MAGI2: variants seen among roughly 807,000 people sequenced by gnomAD.
The protein encoded by MAGI2 is membrane associated guanylate kinase, WW and PDZ domain containing 2, also known as membrane-associated guanylate kinase, WW and PDZ domain-containing protein 2.
MAGI2 carries 35 observed loss-of-function variants against 133.3 expected under a neutral mutation model. The observed-to-expected ratio is 0.26, with a 90% CI of 0.20 to 0.35. The LOEUF is 0.35. Among genes scored for constraint, MAGI2 ranks in the 10% least tolerant of loss-of-function variants. The probability of loss-of-function intolerance (pLI) is 1.00; values close to 1 mark genes in which losing one functional copy is unlikely to be tolerated. For missense variants in MAGI2, 1,636 were observed against 1,863.4 expected (o/e 0.88, Z 2.25); for synonymous variants, 729 against 710.6 (o/e 1.03, Z -0.41).
At chr7:78,819,792 A>G (rs567634272) in intron 2 of MAGI2, among the ~76,000 whole-genome samples, 1 of 152,188 alleles carries the variant, frequency 6.6e-6, no homozygotes, top group Admixed American at 6.5e-5. Flanking sequence ...TTTTATAATC[A>G]TCTAAAAGAG....
chr7:78,284,768 T>G (rs1795977190), intron 9 of MAGI2, among the ~76,000 whole-genome samples: 1 of 152,076 alleles, frequency 6.6e-6, no homozygotes, highest in Admixed American at 6.6e-5. Context: ...AATCAGCCGC[T>G]AGTGTGTCCA....
intron 10 of MAGI2, among the ~76,000 whole-genome samples, chr7:78,249,358 G>C (rs13230444): frequency 6.6e-6 from 1 of 151,904 alleles, no homozygotes; most frequent in Non-Finnish European, 1.5e-5. Flanking sequence ...ATTCTACTGG[G>C]TATATATCTG....
chr7:78,745,810 G>C (rs191667215), intron 2 of MAGI2, among the ~76,000 whole-genome samples: 297 of 152,206 alleles, frequency 2.0e-3, no homozygotes, highest in Middle Eastern at 3.4e-3. Flanking sequence ...TCATTTGCTT[G>C]GTATTCTAGG....
At chr7:79,239,773 G>A (rs561964534) in intron 1 of MAGI2, among the ~76,000 whole-genome samples, 9 of 152,246 alleles carry the variant, frequency 5.9e-5, no homozygotes, top group South Asian at 2.1e-4. Flanking sequence ...ACAAAAACAC[G>A]TTTGCCACAT....
chr7:78,278,214 T>A (rs77010322), intron 9 of MAGI2, among the ~76,000 whole-genome samples: 3,830 of 152,218 alleles, frequency 0.025, 170 homozygotes, highest in African/African-American at 0.087. Context: ...CTAAGGTTTT[T>A]CAGTGTCTCT....
intron 1 of MAGI2, among the ~76,000 whole-genome samples, chr7:79,274,225 C>A (rs1835075705): frequency 6.6e-6 from 1 of 152,126 alleles, no homozygotes; most frequent in Admixed American, 6.6e-5. Flanking sequence ...TGAGCATCCA[C>A]TATTTTATCT....
intron 1 of MAGI2, among the ~76,000 whole-genome samples, chr7:79,084,344 G>A (rs539429615): frequency 3.3e-5 from 5 of 151,620 alleles, no homozygotes; most frequent in African/African-American, 1.2e-4. Context: ...AGTATGTTCT[G>A]TTTTCAATTT....
At chr7:79,084,899 C>T (rs1816351265) in intron 1 of MAGI2, among the ~76,000 whole-genome samples, 1 of 151,654 alleles carries the variant, frequency 6.6e-6, no homozygotes, top group Admixed American at 6.6e-5. Flanking sequence ...CTTCTCATTA[C>T]CTCTTGAGCT....
At chr7:79,155,439 A>C (rs73704250) in intron 1 of MAGI2, among the ~76,000 whole-genome samples, 12,260 of 152,112 alleles carry the variant, frequency 0.081, 1,118 homozygotes, top group African/African-American at 0.22. Flanking sequence ...GGTATTAATT[A>C]AACAATCTCA....
intron 1 of MAGI2, among the ~76,000 whole-genome samples, chr7:79,130,737 C>T (rs1331494191): frequency 6.6e-6 from 1 of 152,112 alleles, no homozygotes; most frequent in African/African-American, 2.4e-5. Context: ...CACTCATGAC[C>T]TTCATGTGCC....
At chr7:78,542,947 A>G (rs12154633) in intron 3 of MAGI2, among the ~76,000 whole-genome samples, 11,052 of 152,336 alleles carry the variant, frequency 0.073, 511 homozygotes, top group Non-Finnish European at 0.11. Flanking sequence ...GCATGTGTGT[A>G]TGTGAGAGAT....
At chr7:78,329,893 T>C (rs1160886274) in intron 9 of MAGI2, among the ~76,000 whole-genome samples, 1 of 152,190 alleles carries the variant, frequency 6.6e-6, no homozygotes, top group Non-Finnish European at 1.5e-5. Context: ...AACAGAACAG[T>C]TGTCAACATG....
intron 1 of MAGI2, among the ~76,000 whole-genome samples, chr7:79,316,181 C>A (rs909149331): frequency 2.8e-4 from 42 of 152,088 alleles, no homozygotes; most frequent in Admixed American, 2.4e-3. Context: ...ATGTCTCCTA[C>A]TTTGACTTTT....
chr7:79,402,254 A>G (rs10256590), intron 1 of MAGI2, among the ~76,000 whole-genome samples: 83,330 of 151,972 alleles, frequency 0.55, 25,537 homozygotes, highest in African/African-American at 0.82. Flanking sequence ...ATTTTTTAAA[A>G]TTGCAATTTT....
intron 1 of MAGI2, among the ~76,000 whole-genome samples, chr7:79,118,527 T>A (rs1051139840): frequency 3.5e-4 from 53 of 152,194 alleles, no homozygotes; most frequent in African/African-American, 1.1e-3. Context: ...ATGGCTACTA[T>A]ACCTTTCAAC....
intron 1 of MAGI2, among the ~76,000 whole-genome samples, chr7:79,066,605 T>C (rs1320055875): frequency 2.0e-5 from 3 of 152,122 alleles, no homozygotes; most frequent in Non-Finnish European, 4.4e-5. Flanking sequence ...AGAAGCTCTT[T>C]AGTTTAATTA....
chr7:78,047,430 T>A (rs934225748), intron 21 of MAGI2, among the ~76,000 whole-genome samples: 8 of 152,160 alleles, frequency 5.3e-5, no homozygotes, highest in Non-Finnish European at 1.2e-4. Context: ...CGAGCCTTCT[T>A]GGATTTTCTA....
At chr7:78,944,037 G>A (rs1801201036) in intron 2 of MAGI2, among the ~76,000 whole-genome samples, 1 of 152,130 alleles carries the variant, frequency 6.6e-6, no homozygotes, top group African/African-American at 2.4e-5. Context: ...TTGGCTTATA[G>A]TAGGTGTGAC....
intron 1 of MAGI2, among the ~76,000 whole-genome samples, chr7:79,032,512 T>C (rs1297642277): frequency 1.6e-5 from 2 of 125,488 alleles, no homozygotes; most frequent in African/African-American, 6.8e-5. Context: ...AGCAAGACTC[T>C]GACTCAGAAA....
Sources: allele counts gnomAD v4.1 joint callset (sites outside exome capture counted in the v4.1 genomes callset), GRCh38; gene constraint gnomAD v4.1.1; transcripts MANE v1.5; gene names NCBI Gene and HGNC (gene_info 2026-07-23, HGNC 2026-07-21).